The following RIN3 variants were observed in gnomAD, a reference collection of about 807,000 sequenced individuals.
RIN3 encodes RAB5 interacting protein 3.
Under a neutral mutation model 76.3 loss-of-function variants are expected in RIN3, and 54 were observed. The ratio of observed to expected loss-of-function variants is 0.71; its 90% CI spans 0.57 to 0.89. The LOEUF (loss-of-function observed/expected upper bound fraction) is 0.89. Ranked by LOEUF, RIN3 falls within the 40% of genes least tolerant of loss-of-function variation. The pLI is 0.00. For synonymous variants in RIN3, 576 were observed against 564.0 expected, an observed-to-expected ratio of 1.02 and a Z score of -0.30; for missense variants, 1,256 against 1,322.1, an observed-to-expected ratio of 0.95 and a Z score of 0.78.
chr14:92,653,255 TC>T (rs1338383385), intron 6 of RIN3, among the ~76,000 whole-genome samples, 180 bp downstream of exon 6: 2 of 151,738 alleles, frequency 1.3e-5, no homozygotes, highest in East Asian at 1.9e-4. Context: ...GGTGCCCGGC[TC>T]CCCCCCTTCC....
rs141479077 is a variant in RIN3 at position 92,529,317 on chromosome 14, C to T, written c.44+15341C>T. On this transcript the variant is annotated intron_variant, in intron 1 of 9. Coordinates refer to ENST00000216487, the MANE Select transcript of RIN3 (RefSeq NM_024832.5). ...GGGCTGGAGTGCAGTGGTGTGATCT[C>T]GGCTCACTGCAACCTCCACCTCCCC... Among the ~76,000 whole-genome samples, 772 of 147,368 alleles carry T rather than the reference C, an allele frequency of 5.2e-3. 2 individuals are homozygous for T. Among genetic ancestry groups the T allele is most frequent in the South Asian group, 0.022 (104 of 4,694 alleles).
At chr14:92,655,949 A>C (rs1266768967) in intron 6 of RIN3, among the ~76,000 whole-genome samples, 1 of 152,186 alleles carries the variant, frequency 6.6e-6, no homozygotes, top group African/African-American at 2.4e-5. Context: ...CTGAGTCTGC[A>C]GTTCTGGGGC....
chr14:92,660,411 G>A (rs1455361679), intron 7 of RIN3, among the ~76,000 whole-genome samples: 1 of 152,120 alleles, frequency 6.6e-6, no homozygotes, highest in African/African-American at 2.4e-5. Context: ...GGATGGCCTT[G>A]CCCACTTGCT....
intron 2 of RIN3, among the ~76,000 whole-genome samples, chr14:92,574,052 C>T (rs1170450775): frequency 1.3e-5 from 2 of 152,214 alleles, no homozygotes. Context: ...TGCCATGAAG[C>T]AGTGTCGTTT....
rs536962146 is a variant in RIN3 at position 92,633,833 on chromosome 14, T to C, written c.441-7405T>C. Among the ~76,000 whole-genome samples the C allele has an allele frequency of 4.7e-5, 7 of 150,030 alleles. No homozygotes were observed. The East Asian group carries it at 1.4e-3, about 29-fold the overall frequency. ...TCTCATGTAGCTGGAATAAGTCTCA[T>C]TTTGCTAAACTTTTGTTTTAGTGGT... On this transcript the variant is annotated intron_variant, in intron 4 of 9. Coordinates refer to ENST00000216487, the MANE Select transcript of RIN3 (RefSeq NM_024832.5).
At chr14:92,611,043 C>T (rs35031524) in intron 3 of RIN3, among the ~76,000 whole-genome samples, 1 of 151,916 alleles carries the variant, frequency 6.6e-6, no homozygotes, top group Non-Finnish European at 1.5e-5. Flanking sequence ...AAACTAGGAG[C>T]CTTAGAGCAA....
intron 1 of RIN3, among the ~76,000 whole-genome samples, chr14:92,547,500 T>A (rs1022942972): frequency 6.6e-6 from 1 of 151,324 alleles, no homozygotes; most frequent in Non-Finnish European, 1.5e-5. Context: ...GCTCAAGCGA[T>A]CCTCCTGCCT....
chr14:92,677,615 C>T (rs1047295011), intron 8 of RIN3, among the ~76,000 whole-genome samples: 12 of 149,620 alleles, frequency 8.0e-5, no homozygotes, highest in East Asian at 3.9e-4. Context: ...CTGTATCTAC[C>T]TTTTTTTTTT....
At chr14:92,548,444 G>T (rs951866560) in intron 1 of RIN3, among the ~76,000 whole-genome samples, 7 of 152,160 alleles carry the variant, frequency 4.6e-5, no homozygotes, top group South Asian at 2.1e-4. Context: ...GCAGTAGCAG[G>T]TTACCACTAA....
chr14:92,638,979 G>C (rs946541606), intron 4 of RIN3, among the ~76,000 whole-genome samples: 2 of 152,250 alleles, frequency 1.3e-5, no homozygotes, highest in African/African-American at 2.4e-5. Flanking sequence ...GGCCACAGAA[G>C]CCAACATCGC....
At chr14:92,609,847 G>C (rs1163131975) in intron 3 of RIN3, among the ~76,000 whole-genome samples, 1 of 32,552 alleles carries the variant, frequency 3.1e-5, no homozygotes, top group African/African-American at 1.2e-4. Context: ...TTCAGTCTGT[G>C]TGTGTGTGTG....
At chr14:92,676,410 G>C in intron 7 of RIN3, 65 bp from the exon 8 acceptor site, 1 of 1,582,428 alleles carries the variant, frequency 6.3e-7, no homozygotes, top group Non-Finnish European at 8.7e-7. Flanking sequence ...CCCCTACCCT[G>C]GGCAGAGAGC....
chr14:92,651,989 T>A lies in RIN3; in HGVS notation c.940T>A (p.Ser314Thr). The change falls in exon 6 of 10, where the codon TCT becomes ACT. Residue 314 changes from serine (S) to threonine (T), a missense_variant. Transcript: ENST00000216487. ...CGCCCCTGCCTGTCCTTTGCCCACC[T>A]CTCCCCCAGTGCCTGCCCCCCACGT... Reference protein sequence around the residue: ...APAPACPLPTSPPVPAPHVTP... With the variant: ...APAPACPLPTTPPVPAPHVTP... The A allele has an allele frequency of 3.7e-6, 4 of 1,086,026 alleles. No individual in the cohort carries two copies. The highest frequency in any genetic ancestry group is 1.4e-5 in the South Asian group (1 of 70,638). The allele number at this position is 1,086,026 out of a possible 1,614,324, so 67.3% of individuals were successfully genotyped here. A position where few individuals can be genotyped will look rare whatever the true frequency, so the allele number is the denominator to read the frequency against.
intron 7 of RIN3, among the ~76,000 whole-genome samples, chr14:92,661,758 C>CACACAAA (rs373869994): frequency 6.0e-5 from 8 of 133,288 alleles, no homozygotes; most frequent in East Asian, 4.4e-4. Flanking sequence ...CACACACACA[C>CACACAAA]AAAAAATAGA....
intron 3 of RIN3, among the ~76,000 whole-genome samples, chr14:92,610,473 C>T (rs545968498): frequency 5.3e-5 from 8 of 152,300 alleles, no homozygotes; most frequent in African/African-American, 1.9e-4. Context: ...TGGTGTTGGG[C>T]TCAGGGCAGG....
At chr14:92,641,476 C>G in intron 5 of RIN3, 147 bp downstream of exon 5, 1 of 635,628 alleles carries the variant, frequency 1.6e-6, no homozygotes, top group Admixed American at 2.8e-5. Flanking sequence ...GCTGCTGAGC[C>G]ACGTGATAGA....
chr14:92,635,339 G>C (rs1406049613), intron 4 of RIN3, among the ~76,000 whole-genome samples: 2 of 152,188 alleles, frequency 1.3e-5, no homozygotes, highest in African/African-American at 2.4e-5. Flanking sequence ...TTGGAGGACT[G>C]GGGTGTTTAC....
intron 4 of RIN3, among the ~76,000 whole-genome samples, chr14:92,618,752 G>A (rs1886062016): frequency 6.6e-6 from 1 of 152,158 alleles, no homozygotes; most frequent in African/African-American, 2.4e-5. Flanking sequence ...TCAAACATTG[G>A]TTATAAACAA....
chr14:92,606,145 C>CAAA (rs10573887), intron 3 of RIN3, among the ~76,000 whole-genome samples: 21 of 95,950 alleles, frequency 2.2e-4, no homozygotes, highest in African/African-American at 5.9e-4. Context: ...GAGCCAGTCT[C>CAAA]AAAAAAAAAA....
Sources: allele counts gnomAD v4.1 joint callset (sites outside exome capture counted in the v4.1 genomes callset), GRCh38; gene constraint gnomAD v4.1.1; transcripts MANE v1.5; gene names NCBI Gene and HGNC (gene_info 2026-07-23, HGNC 2026-07-21).